Variants in MGAT4C observed in about 807,000 individuals in gnomAD.
MGAT4C encodes alpha-1,3-mannosyl-glycoprotein 4-beta-N-acetylglucosaminyltransferase C.
A neutral mutation model predicts 40.1 loss-of-function variants in MGAT4C; 19 were observed. That is an observed-to-expected ratio of 0.47 (90% CI 0.33 to 0.70). The LOEUF (loss-of-function observed/expected upper bound fraction) is 0.70. Among genes scored for constraint, MGAT4C ranks in the 30% least tolerant of loss-of-function variants. MGAT4C has a pLI of 0.02. For synonymous variants in MGAT4C, 181 were observed against 187.1 expected, an observed-to-expected ratio of 0.97 and a Z score of 0.27; for missense variants, 491 against 563.2, an observed-to-expected ratio of 0.87 and a Z score of 1.30.
chr12:86,666,547 C>CT (rs1050948036), intron 2 of MGAT4C, among the ~76,000 whole-genome samples: 5 of 151,792 alleles, frequency 3.3e-5, no homozygotes, highest in Admixed American at 2.0e-4. Context: ...CTTTATTAAT[C>CT]TTTTTTTTCA....
At chr12:86,473,552 T>C (rs1237666077) in intron 2 of MGAT4C, among the ~76,000 whole-genome samples, 2 of 152,168 alleles carry the variant, frequency 1.3e-5, no homozygotes, top group Admixed American at 1.3e-4. Flanking sequence ...AGAGACACCA[T>C]TTGGAATAAG....
At chr12:86,035,366 C>T (rs998794573) in intron 2 of MGAT4C, among the ~76,000 whole-genome samples, 1 of 150,220 alleles carries the variant, frequency 6.7e-6, no homozygotes. Flanking sequence ...TTGTTGGCTG[C>T]ATAAATGTCT....
intron 1 of MGAT4C, among the ~76,000 whole-genome samples, chr12:86,244,547 T>C (rs554337402): frequency 6.6e-6 from 1 of 152,340 alleles, no homozygotes; most frequent in South Asian, 2.1e-4. Context: ...TTAATCAGCA[T>C]TTAATGAGCT....
chr12:86,809,929 C>T (rs1384723418), intron 1 of MGAT4C, among the ~76,000 whole-genome samples: 1 of 151,978 alleles, frequency 6.6e-6, no homozygotes, highest in Non-Finnish European at 1.5e-5. Context: ...ACTAAAATTG[C>T]ATTAAACAGC....
intron 1 of MGAT4C, among the ~76,000 whole-genome samples, chr12:86,062,329 A>G (rs1446402715): frequency 6.6e-6 from 1 of 152,178 alleles, no homozygotes; most frequent in African/African-American, 2.4e-5. Context: ...GGATAGCGTC[A>G]AGATCAAATA....
chr12:86,639,594 T>C (rs1963318921), intron 2 of MGAT4C, among the ~76,000 whole-genome samples: 1 of 151,720 alleles, frequency 6.6e-6, no homozygotes, highest in African/African-American at 2.4e-5. Context: ...AGTGTCTAAG[T>C]TCTTTGATTG....
intron 3 of MGAT4C, among the ~76,000 whole-genome samples, chr12:86,381,465 A>G (rs1229107867): frequency 6.6e-6 from 1 of 152,116 alleles, no homozygotes; most frequent in Non-Finnish European, 1.5e-5. Context: ...GGGGTTCTGA[A>G]GTCCAAGGAA....
chr12:86,317,743 A>G (rs1566283856), intron 4 of MGAT4C, among the ~76,000 whole-genome samples: 1 of 151,940 alleles, frequency 6.6e-6, no homozygotes, highest in Non-Finnish European at 1.5e-5. Context: ...CACTGGAATG[A>G]ACCATCTTGT....
chr12:86,573,945 C>T (rs1960463282), intron 2 of MGAT4C, among the ~76,000 whole-genome samples: 1 of 151,746 alleles, frequency 6.6e-6, no homozygotes, highest in Non-Finnish European at 1.5e-5. Context: ...ACAAACTTGT[C>T]TTAGATAAAA....
At chr12:86,551,807 G>A (rs994709559) in intron 2 of MGAT4C, among the ~76,000 whole-genome samples, 3 of 152,152 alleles carry the variant, frequency 2.0e-5, no homozygotes, top group Non-Finnish European at 4.4e-5. Context: ...AGGCCACTGA[G>A]ATGCTTGCAA....
At chr12:86,209,917 A>G (rs1157168921) in intron 1 of MGAT4C, among the ~76,000 whole-genome samples, 1 of 152,210 alleles carries the variant, frequency 6.6e-6, no homozygotes, top group Non-Finnish European at 1.5e-5. Flanking sequence ...TACCATTTCT[A>G]TGCTTTAAAA....
At chr12:86,360,448 C>G (rs4630356) in intron 3 of MGAT4C, among the ~76,000 whole-genome samples, 110,599 of 152,050 alleles carry the variant, frequency 0.73, 40,473 homozygotes, top group East Asian at 0.9. Context: ...CCCTCTCTCA[C>G]CACTTCTATT....
intron 1 of MGAT4C, among the ~76,000 whole-genome samples, chr12:86,767,284 C>T (rs948067685): frequency 6.6e-5 from 10 of 152,116 alleles, no homozygotes; most frequent in Non-Finnish European, 1.3e-4. Context: ...ATAAATTCCT[C>T]GACACATAAA....
At chr12:86,120,817 T>C (rs897183684) in intron 1 of MGAT4C, among the ~76,000 whole-genome samples, 2 of 152,192 alleles carry the variant, frequency 1.3e-5, no homozygotes, top group Admixed American at 1.3e-4. Flanking sequence ...CTGAAAATTC[T>C]AAAAATCAGA....
chr12:86,205,264 T>C (rs1950207336), intron 1 of MGAT4C, among the ~76,000 whole-genome samples: 1 of 151,722 alleles, frequency 6.6e-6, no homozygotes, highest in African/African-American at 2.4e-5. Context: ...ATTTAACCAA[T>C]ATTCATATTC....
intron 1 of MGAT4C, among the ~76,000 whole-genome samples, chr12:86,810,136 TTG>T (rs746099346): frequency 3.3e-5 from 5 of 151,988 alleles, no homozygotes; most frequent in Non-Finnish European, 7.4e-5. Flanking sequence ...GCATGTAGTA[TTG>T]TGTTTCCATT....
At chr12:86,657,727 A>G (rs1963885318) in intron 2 of MGAT4C, among the ~76,000 whole-genome samples, 1 of 151,990 alleles carries the variant, frequency 6.6e-6, no homozygotes, top group South Asian at 2.1e-4. Flanking sequence ...ATGCTGGAGG[A>G]TTTTATTAAA....
chr12:86,189,378 T>C (rs1244131769), intron 1 of MGAT4C, among the ~76,000 whole-genome samples: 1 of 151,922 alleles, frequency 6.6e-6, no homozygotes, highest in Non-Finnish European at 1.5e-5. Flanking sequence ...CCTATAGCCC[T>C]TCATAGTACA....
intron 2 of MGAT4C, among the ~76,000 whole-genome samples, chr12:86,453,744 A>T (rs79334091): frequency 0.027 from 4,159 of 152,208 alleles, 158 homozygotes; most frequent in African/African-American, 0.087. Context: ...CAATAATAAG[A>T]TAATTATTCT....
Sources: allele counts gnomAD v4.1 joint callset (sites outside exome capture counted in the v4.1 genomes callset), GRCh38; gene constraint gnomAD v4.1.1; transcripts MANE v1.5; gene names NCBI Gene and HGNC (gene_info 2026-07-23, HGNC 2026-07-21).